LOC128462377: variants seen among roughly 807,000 people sequenced by gnomAD.
chr16:89,363,543 T>C, the LOC128462377 span, among the ~76,000 whole-genome samples: 1 of 152,070 alleles, frequency 6.6e-6, no homozygotes, highest in South Asian at 2.1e-4. Flanking sequence ...AAAAAAACCT[T>C]ACATAGTTCA....
chr16:89,323,984 C>T, the LOC128462377 span: 1 of 219,468 alleles, frequency 4.6e-6, no homozygotes, highest in Non-Finnish European at 9.2e-6. Context: ...CCAAAATTCA[C>T]AGGTTCAAAC....
chr16:89,362,888 T>G, the LOC128462377 span, among the ~76,000 whole-genome samples: 10 of 152,080 alleles, frequency 6.6e-5, no homozygotes, highest in Non-Finnish European at 1.2e-4. Context: ...TCTAAGTTGC[T>G]AGCCAATCGG....
the LOC128462377 span, among the ~76,000 whole-genome samples, chr16:89,382,339 T>A: frequency 3.7e-5 from 5 of 136,166 alleles, no homozygotes; most frequent in South Asian, 1.1e-3. Context: ...ATATATATTT[T>A]TTTAAAGACA....
chr16:89,330,622 C>T, the LOC128462377 span, among the ~76,000 whole-genome samples: 8 of 127,012 alleles, frequency 6.3e-5, no homozygotes, highest in Admixed American at 2.0e-4. Context: ...TGAGGGTCCT[C>T]GTGACACGGC....
chr16:89,333,692 G>A, the LOC128462377 span, among the ~76,000 whole-genome samples: 12 of 152,204 alleles, frequency 7.9e-5, no homozygotes, highest in East Asian at 1.9e-4. Flanking sequence ...GTAATAGTCT[G>A]TCGTCTGGAT....
chr16:89,416,266 C>T, the LOC128462377 span, among the ~76,000 whole-genome samples: 44 of 152,174 alleles, frequency 2.9e-4, no homozygotes, highest in African/African-American at 1.1e-3. Context: ...GCTTGCTCCC[C>T]TTTAATCAGA....
At chr16:89,317,057 G>C in the LOC128462377 span, 1 of 1,595,348 alleles carries the variant, frequency 6.3e-7, no homozygotes, top group Non-Finnish European at 8.5e-7. Flanking sequence ...TACACGGCCG[G>C]CGCTTCATCA....
the LOC128462377 span, among the ~76,000 whole-genome samples, chr16:89,380,247 G>T: frequency 6.6e-6 from 1 of 152,224 alleles, no homozygotes; most frequent in Middle Eastern, 3.4e-3. Flanking sequence ...CGAGTAGTTG[G>T]TATTACAGGC....
chr16:89,415,913 C>T, the LOC128462377 span, among the ~76,000 whole-genome samples: 4 of 150,528 alleles, frequency 2.7e-5, no homozygotes, highest in Admixed American at 6.7e-5. Context: ...TGGGTCACGG[C>T]GCCTCTGGTC....
At chr16:89,342,313 C>T in the LOC128462377 span, among the ~76,000 whole-genome samples, 1 of 152,272 alleles carries the variant, frequency 6.6e-6, no homozygotes, top group Admixed American at 6.5e-5. Flanking sequence ...ACCTCAGAAC[C>T]AGCTTCTATC....
the LOC128462377 span, among the ~76,000 whole-genome samples, chr16:89,318,808 G>A: frequency 1.3e-5 from 2 of 152,172 alleles, no homozygotes; most frequent in African/African-American, 2.4e-5. Context: ...GGGACAGGTC[G>A]GGTCAACGTA....
the LOC128462377 span, among the ~76,000 whole-genome samples, chr16:89,386,126 G>C: frequency 6.6e-6 from 1 of 152,190 alleles, no homozygotes; most frequent in East Asian, 1.9e-4. Context: ...TTTAAGTAAA[G>C]TCATTACAGA....
the LOC128462377 span, among the ~76,000 whole-genome samples, chr16:89,349,357 G>A: frequency 3.3e-5 from 5 of 151,816 alleles, no homozygotes; most frequent in South Asian, 1.0e-3. Flanking sequence ...GCGGGCGCCT[G>A]TAGTCCCAGC....
chr16:89,394,998 A>T, the LOC128462377 span, among the ~76,000 whole-genome samples: 1 of 152,218 alleles, frequency 6.6e-6, no homozygotes, highest in Non-Finnish European at 1.5e-5. Context: ...ACCAGCAAAT[A>T]CATCACGGTA....
the LOC128462377 span, among the ~76,000 whole-genome samples, chr16:89,361,996 C>T: frequency 2.0e-5 from 3 of 152,198 alleles, no homozygotes; most frequent in South Asian, 4.1e-4. Flanking sequence ...TGGCTCCAGG[C>T]AGGAGGACCC....
chr16:89,377,943 C>A, the LOC128462377 span, among the ~76,000 whole-genome samples: 1 of 152,128 alleles, frequency 6.6e-6, no homozygotes, highest in Non-Finnish European at 1.5e-5. Context: ...TCATGATGAC[C>A]CACTTCCACT....
At chr16:89,348,252 A>C in the LOC128462377 span, among the ~76,000 whole-genome samples, 1 of 152,188 alleles carries the variant, frequency 6.6e-6, no homozygotes. Flanking sequence ...TTTTTTAAAA[A>C]AATCTTCTTA....
chr16:89,367,512 G>A, the LOC128462377 span, among the ~76,000 whole-genome samples: 1 of 152,264 alleles, frequency 6.6e-6, no homozygotes, highest in African/African-American at 2.4e-5. Context: ...GGTCACCCAC[G>A]CTCCCTCTTA....
the LOC128462377 span, among the ~76,000 whole-genome samples, chr16:89,401,900 C>T: frequency 2.0e-5 from 3 of 151,926 alleles, no homozygotes; most frequent in Non-Finnish European, 2.9e-5. Flanking sequence ...CAGAGACTCC[C>T]CCATCCCCCA....
Sources: gnomAD v4.1 joint callset for allele counts (sites outside exome capture counted in the v4.1 genomes callset) on GRCh38, gnomAD v4.1.1 for gene constraint, MANE v1.5 for transcripts.